Variants in MSR1 observed in about 807,000 individuals in gnomAD.
MSR1 encodes the protein macrophage scavenger receptor types I and II.
MSR1 carries 53 observed loss-of-function variants against 47.2 expected under a neutral mutation model. The ratio of observed to expected loss-of-function variants is 1.12; its 90% CI spans 0.90 to 1.41. The LOEUF is 1.41. Among genes scored for constraint, MSR1 ranks in the 40% most tolerant of loss-of-function variants. MSR1 has a pLI of 0.00. For missense variants in MSR1, 786 were observed against 546.9 expected, an observed-to-expected ratio of 1.44 and a Z score of -4.36; for synonymous variants, 239 against 185.6, an observed-to-expected ratio of 1.29 and a Z score of -2.34.
At chr8:16,169,917 T>C (rs996072926) in intron 3 of MSR1, among the ~76,000 whole-genome samples, 6 of 152,158 alleles carry the variant, frequency 3.9e-5, no homozygotes, top group Admixed American at 3.9e-4. Context: ...AAAATAGTAT[T>C]TTAGGAACAT....
intron 9 of MSR1, among the ~76,000 whole-genome samples, chr8:16,114,699 G>C (rs950585527): frequency 4.6e-5 from 7 of 152,062 alleles, no homozygotes; most frequent in Non-Finnish European, 4.4e-5. Context: ...CTATTTAAAG[G>C]AGCATGCTTG....
intron 3 of MSR1, among the ~76,000 whole-genome samples, chr8:16,170,548 T>C (rs1253813979): frequency 6.6e-6 from 1 of 152,204 alleles, no homozygotes; most frequent in Admixed American, 6.5e-5. Flanking sequence ...TTGACAATTA[T>C]GGAACAATAA....
At chr8:16,118,668 A>G (rs778867747) in intron 9 of MSR1, among the ~76,000 whole-genome samples, 2 of 152,048 alleles carry the variant, frequency 1.3e-5, no homozygotes, top group Non-Finnish European at 2.9e-5. Flanking sequence ...ACAGAGGGAG[A>G]TCTGTCTCCA....
chr8:16,166,287 A>C (rs748496623), intron 4 of MSR1, among the ~76,000 whole-genome samples: 1 of 146,330 alleles, frequency 6.8e-6, no homozygotes, highest in Non-Finnish European at 1.5e-5. Context: ...TCTCCCGAGT[A>C]GCTGGGATTA....
chr8:16,133,389 A>C (rs1353298418), intron 8 of MSR1, among the ~76,000 whole-genome samples: 2 of 152,192 alleles, frequency 1.3e-5, no homozygotes, highest in Non-Finnish European at 2.9e-5. Flanking sequence ...ATTGTAAGGT[A>C]GATGCCCAAT....
chr8:16,167,141 C>T (rs933344724), intron 4 of MSR1, among the ~76,000 whole-genome samples: 3 of 152,194 alleles, frequency 2.0e-5, no homozygotes, highest in African/African-American at 4.8e-5. Flanking sequence ...CACTGATCAC[C>T]AGATTTTGAT....
intron 8 of MSR1, chr8:16,140,289 A>C: frequency 1.0e-6 from 1 of 984,996 alleles, no homozygotes. Context: ...AAACAAGAAA[A>C]AGAAAAAAAA....
At chr8:16,144,675 T>TA (rs1325073745) in intron 7 of MSR1, among the ~76,000 whole-genome samples, 5 of 152,138 alleles carry the variant, frequency 3.3e-5, no homozygotes, top group African/African-American at 7.2e-5. Context: ...TTCTATAAAA[T>TA]AAAAAAATAA....
intron 9 of MSR1, among the ~76,000 whole-genome samples, chr8:16,117,191 C>T (rs942947186): frequency 6.6e-6 from 1 of 152,102 alleles, no homozygotes; most frequent in Non-Finnish European, 1.5e-5. Flanking sequence ...ACATTACCGC[C>T]TGAGTGCCAC....
intron 8 of MSR1, among the ~76,000 whole-genome samples, chr8:16,128,830 C>A (rs1043481099): frequency 9.2e-5 from 14 of 152,074 alleles, no homozygotes; most frequent in Middle Eastern, 3.4e-3. Flanking sequence ...GATTTTTATT[C>A]AAAAATGACA....
At chr8:16,168,302 C>T (rs1460399905) in intron 4 of MSR1, among the ~76,000 whole-genome samples, 156 bp downstream of exon 4, 1 of 152,160 alleles carries the variant, frequency 6.6e-6, no homozygotes, top group Non-Finnish European at 1.5e-5. Flanking sequence ...AATCCCTTAA[C>T]ATTCGTTTAA....
chr8:16,176,405 G>C (rs1484747), intron 2 of MSR1, among the ~76,000 whole-genome samples: 2 of 151,860 alleles, frequency 1.3e-5, no homozygotes, highest in Non-Finnish European at 2.9e-5. Context: ...TACTTACGAG[G>C]CTGAGGTAGG....
At chr8:16,120,301 C>T (rs35229253) in intron 9 of MSR1, 117 bp downstream of exon 9, 13 of 1,059,296 alleles carry the variant, frequency 1.2e-5, no homozygotes, top group South Asian at 6.5e-5. Flanking sequence ...CGCTTGAATC[C>T]GGGAGGCAGA....
At chr8:16,169,794 T>A (rs1167464279) in intron 3 of MSR1, among the ~76,000 whole-genome samples, 1 of 152,062 alleles carries the variant, frequency 6.6e-6, no homozygotes, top group East Asian at 1.9e-4. Context: ...TCTGCCAGAT[T>A]TATTTAAAAA....
At chr8:16,192,170 G>T (rs1470138716) in intron 1 of MSR1, among the ~76,000 whole-genome samples, 2 of 152,010 alleles carry the variant, frequency 1.3e-5, no homozygotes, top group African/African-American at 4.8e-5. Flanking sequence ...ATAATCAAGG[G>T]AAGATAATAA....
chr8:16,140,547 C>T (rs1357447445), intron 8 of MSR1: 7 of 1,013,758 alleles, frequency 6.9e-6, no homozygotes, highest in Non-Finnish European at 8.3e-6. Context: ...TAGGACAGAG[C>T]CTCACACAAG....
At chr8:16,163,646 C>A (rs1801222279) in intron 5 of MSR1, among the ~76,000 whole-genome samples, 1 of 151,462 alleles carries the variant, frequency 6.6e-6, no homozygotes, top group South Asian at 2.1e-4. Flanking sequence ...ACAAATCCAT[C>A]ATTATTTTGG....
intron 5 of MSR1, among the ~76,000 whole-genome samples, chr8:16,158,294 G>C (rs1375476547): frequency 6.6e-6 from 1 of 151,840 alleles, no homozygotes; most frequent in African/African-American, 2.4e-5. Flanking sequence ...AATCTACTAT[G>C]TAGCTTCCTC....
At chr8:16,166,288 G>C (rs1458895203) in intron 4 of MSR1, among the ~76,000 whole-genome samples, 3 of 148,512 alleles carry the variant, frequency 2.0e-5, no homozygotes, top group Non-Finnish European at 4.4e-5. Context: ...CTCCCGAGTA[G>C]CTGGGATTAC....
Sources: gnomAD v4.1 joint callset for allele counts (sites outside exome capture counted in the v4.1 genomes callset) on GRCh38, gnomAD v4.1.1 for gene constraint, MANE v1.5 for transcripts, NCBI Gene and HGNC (gene_info 2026-07-23, HGNC 2026-07-21) for gene names.